The following VPS37A variants were observed in gnomAD, a reference collection of about 807,000 sequenced individuals.
VPS37A encodes the protein VPS37A subunit of ESCRT-I, also known as vacuolar protein sorting-associated protein 37A.
VPS37A carries 30 observed loss-of-function variants against 49.8 expected under a neutral mutation model. That is an observed-to-expected ratio of 0.60 (90% confidence interval 0.45 to 0.82). The LOEUF is 0.82. Among genes scored for constraint, VPS37A ranks in the 40% least tolerant of loss-of-function variants. The pLI is 0.00. For synonymous variants in VPS37A, 195 were observed against 160.6 expected, an observed-to-expected ratio of 1.21 and a Z score of -1.62; for missense variants, 593 against 464.4, an observed-to-expected ratio of 1.28 and a Z score of -2.55.
the VPS37A span, among the ~76,000 whole-genome samples, chr8:17,323,305 A>G: frequency 6.6e-6 from 1 of 152,154 alleles, no homozygotes; most frequent in East Asian, 1.9e-4. Context: ...AACACAGCAA[A>G]TACACTGGGG....
At chr8:17,262,588 T>C (rs969278601) in intron 1 of VPS37A, among the ~76,000 whole-genome samples, 1 of 152,008 alleles carries the variant, frequency 6.6e-6, no homozygotes, top group African/African-American at 2.4e-5. Context: ...TGTGTGTGTG[T>C]GTGTGTGTGT....
intron 9 of VPS37A, among the ~76,000 whole-genome samples, chr8:17,281,809 A>G (rs1815081646): frequency 6.6e-6 from 1 of 152,102 alleles, no homozygotes; most frequent in Admixed American, 6.5e-5. Flanking sequence ...CATAGGAACA[A>G]AATTGTAAAG....
the VPS37A span, among the ~76,000 whole-genome samples, chr8:17,330,224 C>A: frequency 6.6e-6 from 1 of 152,210 alleles, no homozygotes; most frequent in Non-Finnish European, 1.5e-5. Flanking sequence ...AACGTGGATT[C>A]CTGGAAAAAA....
intron 9 of VPS37A, among the ~76,000 whole-genome samples, chr8:17,281,081 G>T (rs1483684607): frequency 6.6e-6 from 1 of 151,828 alleles, no homozygotes; most frequent in Non-Finnish European, 1.5e-5. Flanking sequence ...CAGCAAAAAA[G>T]ATGGTAAAGG....
intron 1 of VPS37A, among the ~76,000 whole-genome samples, chr8:17,262,140 G>C (rs1454573738): frequency 1.3e-5 from 2 of 152,110 alleles, no homozygotes; most frequent in African/African-American, 4.8e-5. Context: ...AGGTATGGAA[G>C]TCCGATTCTC....
intron 6 of VPS37A, among the ~76,000 whole-genome samples, chr8:17,277,459 A>G (rs1814615249): frequency 6.6e-6 from 1 of 152,108 alleles, no homozygotes; most frequent in Non-Finnish European, 1.5e-5. Context: ...CCACGTATCC[A>G]TCATGTGGCA....
At chr8:17,247,412 G>A (rs1254109512) in intron 1 of VPS37A, 43 bp downstream of exon 1, 3 of 1,518,254 alleles carry the variant, frequency 2.0e-6, no homozygotes, top group Non-Finnish European at 2.6e-6. Flanking sequence ...AAGTAGGGTG[G>A]GAGGGCGGGC....
chr8:17,302,873 T>C (rs1371910297), downstream of VPS37A, among the ~76,000 whole-genome samples: 1 of 151,794 alleles, frequency 6.6e-6, no homozygotes, highest in Admixed American at 6.6e-5. Flanking sequence ...CCACCATGCC[T>C]AATTTTATAT....
chr8:17,275,520 G>A (rs988097468), intron 5 of VPS37A, among the ~76,000 whole-genome samples: 1 of 152,142 alleles, frequency 6.6e-6, no homozygotes, highest in Non-Finnish European at 1.5e-5. Context: ...CATATAGGGT[G>A]TGGGCAAAGG....
chr8:17,301,114 A>C (rs1323372187), downstream of VPS37A, among the ~76,000 whole-genome samples: 1 of 152,244 alleles, frequency 6.6e-6, no homozygotes, highest in Non-Finnish European at 1.5e-5. Context: ...AGTATTATGT[A>C]TTCATTCAAA....
intron 2 of VPS37A, among the ~76,000 whole-genome samples, chr8:17,267,704 T>C (rs944466736): frequency 9.2e-5 from 14 of 152,174 alleles, no homozygotes; most frequent in African/African-American, 3.1e-4. Context: ...CTTACTTTAG[T>C]TTTTCAAAGA....
intron 1 of VPS37A, among the ~76,000 whole-genome samples, chr8:17,254,219 GA>G (rs1384059208): frequency 1.3e-5 from 2 of 152,126 alleles, no homozygotes; most frequent in Non-Finnish European, 2.9e-5. Flanking sequence ...TGGTGATGAA[GA>G]ATAAGAATGA....
chr8:17,288,260 T>C (rs1005497020), intron 11 of VPS37A, among the ~76,000 whole-genome samples: 1 of 152,200 alleles, frequency 6.6e-6, no homozygotes, highest in African/African-American at 2.4e-5. Flanking sequence ...CTGGGATACA[T>C]GTGCAGAACG....
intron 4 of VPS37A, among the ~76,000 whole-genome samples, chr8:17,269,611 G>T (rs542739030): frequency 1.3e-4 from 20 of 152,104 alleles, no homozygotes; most frequent in African/African-American, 4.8e-4. Context: ...TTCACATTCA[G>T]TGCTCCACTT....
chr8:17,267,540 G>T (rs951878445), intron 2 of VPS37A, among the ~76,000 whole-genome samples: 1 of 152,162 alleles, frequency 6.6e-6, no homozygotes, highest in Non-Finnish European at 1.5e-5. Context: ...TAACTTGGGA[G>T]AGATGTGTCA....
At chr8:17,258,295 G>T (rs920242037) in intron 1 of VPS37A, among the ~76,000 whole-genome samples, 1 of 152,038 alleles carries the variant, frequency 6.6e-6, no homozygotes, top group African/African-American at 2.4e-5. Context: ...GTTATATATG[G>T]CCTTTATTAT....
chr8:17,325,463 G>A, the VPS37A span, among the ~76,000 whole-genome samples: 3 of 152,200 alleles, frequency 2.0e-5, no homozygotes, highest in Admixed American at 6.5e-5. Context: ...TCATGTCAGG[G>A]AACATTTTTT....
chr8:17,248,114 C>A (rs1383011140), intron 1 of VPS37A: 1 of 361,352 alleles, frequency 2.8e-6, no homozygotes, highest in Non-Finnish European at 5.3e-6. Context: ...TTTGCTGCAG[C>A]CTTTTACATT....
the VPS37A span, among the ~76,000 whole-genome samples, chr8:17,323,772 G>C: frequency 6.6e-6 from 1 of 152,118 alleles, no homozygotes; most frequent in Non-Finnish European, 1.5e-5. Flanking sequence ...CCCACCTAGA[G>C]CCTTATGGAG....
Sources: gnomAD v4.1 joint callset for allele counts (sites outside exome capture counted in the v4.1 genomes callset) on GRCh38, gnomAD v4.1.1 for gene constraint, MANE v1.5 for transcripts, NCBI Gene and HGNC (gene_info 2026-07-23, HGNC 2026-07-21) for gene names.